The following CELF2 variants were observed in gnomAD, a reference collection of about 807,000 sequenced individuals.
CELF2 encodes CUGBP Elav-like family member 2.
In CELF2, 8 loss-of-function variants were observed where a neutral mutation model predicts 62.6. The observed-to-expected ratio is 0.13, with a 90% CI of 0.07 to 0.23. CELF2 has a LOEUF of 0.23. Ranked by LOEUF, CELF2 falls within the 10% of genes least tolerant of loss-of-function variation. CELF2 has a pLI of 1.00. For synonymous variants in CELF2, 258 were observed against 250.0 expected (o/e 1.03, Z -0.30); for missense variants, 333 against 671.0 (o/e 0.50, Z 5.56).
chr10:11,256,530 C>G (rs2078782679), intron 4 of CELF2, among the ~76,000 whole-genome samples: 2 of 148,868 alleles, frequency 1.3e-5, no homozygotes, highest in South Asian at 4.2e-4. Flanking sequence ...GAGTCCTCCT[C>G]TAGCCCAGGA....
At chr10:10,549,038 A>G in the CELF2 span, among the ~76,000 whole-genome samples, 47 of 152,302 alleles carry the variant, frequency 3.1e-4, no homozygotes, top group Middle Eastern at 6.8e-3. Flanking sequence ...TTTAGATCAC[A>G]ATTCTTTTTC....
intron 1 of CELF2, among the ~76,000 whole-genome samples, chr10:10,852,093 C>A (rs2059416082): frequency 1.3e-5 from 2 of 152,152 alleles, no homozygotes; most frequent in African/African-American, 4.8e-5. Flanking sequence ...CCATTTAACT[C>A]CTTGGTGTCT....
At chr10:10,864,474 A>G (rs528259094) in intron 1 of CELF2, among the ~76,000 whole-genome samples, 2 of 152,244 alleles carry the variant, frequency 1.3e-5, no homozygotes, top group Admixed American at 1.3e-4. Context: ...AACAGCAGAC[A>G]ATTATCTCTC....
At chr10:11,293,592 C>T (rs1035763405) in intron 9 of CELF2, among the ~76,000 whole-genome samples, 3 of 152,210 alleles carry the variant, frequency 2.0e-5, no homozygotes, top group Non-Finnish European at 4.4e-5. Context: ...GCAGACGTCA[C>T]CCCTCTCCTG....
chr10:10,506,670 A>ATTTTTTTTTT, the CELF2 span, among the ~76,000 whole-genome samples: 1,389 of 64,572 alleles, frequency 0.022, 362 homozygotes, highest in Middle Eastern at 0.094. Context: ...CCTCCTGTGA[A>ATTTTTTTTTT]TTTTTTTTTT....
the CELF2 span, among the ~76,000 whole-genome samples, chr10:10,636,061 T>A: frequency 6.6e-6 from 1 of 152,184 alleles, no homozygotes; most frequent in African/African-American, 2.4e-5. Context: ...AAGAAATATA[T>A]CAAATAACTT....
At chr10:10,605,409 A>T in the CELF2 span, among the ~76,000 whole-genome samples, 2 of 152,372 alleles carry the variant, frequency 1.3e-5, no homozygotes, top group South Asian at 4.1e-4. Flanking sequence ...TACATCCTGC[A>T]CGAGTACCCT....
intron 1 of CELF2, among the ~76,000 whole-genome samples, chr10:10,867,657 A>G (rs1162506446): frequency 6.6e-6 from 1 of 152,156 alleles, no homozygotes; most frequent in Non-Finnish European, 1.5e-5. Context: ...ACTCCTGCCT[A>G]CCAGAAACCA....
At chr10:11,249,301 C>T (rs2076460191) in intron 4 of CELF2, 100 bp downstream of exon 4, 1 of 945,342 alleles carries the variant, frequency 1.1e-6, no homozygotes, top group African/African-American at 1.6e-5. Flanking sequence ...GCTTTTCTCT[C>T]TAGAGGACAG....
rs1248596663 is a variant in CELF2, at chr10:11,296,207, G to C, written c.976+7655G>C. ...TTGTTTTGAGTGGGCTTTTTAACAT[G>C]TGCAGACATTGACTCTAATTCTTCA... On this transcript the variant is annotated intron_variant, in intron 9 of 12. Coordinates refer to ENST00000633077, the MANE Select transcript of CELF2 (RefSeq NM_001326342.2). The surrounding 1 kb of genome is among the most constrained non-coding windows in gnomAD (Gnocchi z 5.0). 3.9e-5 allele frequency among the ~76,000 whole-genome samples: 6 copies of C among 152,134 alleles called. No individual in the cohort carries two copies. The highest frequency in any genetic ancestry group is 1.4e-4 in the African/African-American group (6 of 41,414).
chr10:10,771,517 T>C, the CELF2 span, among the ~76,000 whole-genome samples: 1 of 152,234 alleles, frequency 6.6e-6, no homozygotes, highest in Admixed American at 6.5e-5. Flanking sequence ...TCTTGAGCTG[T>C]ACTCCCATAA....
the CELF2 span, among the ~76,000 whole-genome samples, chr10:10,512,401 CTTTTTTTTTT>C: frequency 1.8e-5 from 2 of 109,148 alleles, no homozygotes; most frequent in Non-Finnish European, 3.7e-5. Context: ...TTTTGGAACG[CTTTTTTTTTT>C]TTTTTTTTTT....
Position 11,288,528 on chromosome 10 carries a change from G to A in CELF2, c.952G>A (p.Ala318Thr), listed in dbSNP as rs557804153. The A allele has an allele frequency of 9.3e-6, 15 of 1,613,856 alleles. No individual in the cohort carries two copies. Among genetic ancestry groups the A allele is most frequent in the Middle Eastern group, 1.6e-4 (1 of 6,062 alleles). Residue 318 changes from alanine to threonine, a missense_variant, in exon 9 of 13, where the codon GCC (alanine) becomes ACC (threonine). Around this residue, in one of 3 missense-constraint regions of CELF2, gnomAD observed 253 missense variants for 503.0 expected, o/e 0.50. Coordinates refer to ENST00000633077, the MANE Select transcript of CELF2 (RefSeq NM_001326342.2). ...NANPLSTTSSALGALTSPVAA... is the reference protein window; with the variant it reads ...NANPLSTTSSTLGALTSPVAA... ...AAACCCTCTCTCTACCACGAGCAGC[G>A]CCCTGGGAGCCCTCACGAGTCCCGG... is the stretch of plus-strand genomic sequence containing the variant.
chr10:11,315,290 AG>A lies in CELF2; in HGVS notation c.1096+1033del, dbSNP rs964052640. 9.9e-5 allele frequency among the ~76,000 whole-genome samples: 15 copies of A among 152,278 alleles called. No individual in the cohort carries two copies. The highest frequency in any genetic ancestry group is 6.8e-3 in the Middle Eastern group (2 of 294). Reference sequence around the variant, plus strand: ...ACGGGAGCCCAGTTAGCTACCATGCAGCCCAGGCACCCCGGCACCTGCCCAT... The same window carrying A: ...ACGGGAGCCCAGTTAGCTACCATGCACCCAGGCACCCCGGCACCTGCCCAT... On this transcript the variant is annotated intron_variant, in intron 10 of 12. Coordinates refer to ENST00000633077, the MANE Select transcript of CELF2 (RefSeq NM_001326342.2). The surrounding 1 kb of genome is among the most constrained non-coding windows in gnomAD (Gnocchi z 5.8).
the CELF2 span, among the ~76,000 whole-genome samples, chr10:10,740,034 G>A: frequency 1.3e-5 from 2 of 151,858 alleles, no homozygotes; most frequent in African/African-American, 4.8e-5. Context: ...TTAGATACAT[G>A]GTTTGCAAAT....
chr10:10,525,420 A>C, the CELF2 span, among the ~76,000 whole-genome samples: 1 of 152,114 alleles, frequency 6.6e-6, no homozygotes, highest in Non-Finnish European at 1.5e-5. Context: ...GTGTTGCCCC[A>C]GGCAATTCTT....
At chr10:10,506,998 C>T in the CELF2 span, among the ~76,000 whole-genome samples, 8 of 152,066 alleles carry the variant, frequency 5.3e-5, no homozygotes, top group South Asian at 2.1e-4. Flanking sequence ...CGTTCCACAG[C>T]GGAGATCCAG....
At chr10:10,613,969 G>T in the CELF2 span, among the ~76,000 whole-genome samples, 1 of 152,102 alleles carries the variant, frequency 6.6e-6, no homozygotes, top group African/African-American at 2.4e-5. Flanking sequence ...TGCCCTCAAT[G>T]TCTATAATTT....
At chr10:10,534,796 T>C in the CELF2 span, among the ~76,000 whole-genome samples, 1 of 152,190 alleles carries the variant, frequency 6.6e-6, no homozygotes, top group African/African-American at 2.4e-5. Context: ...TCTAAAAGAA[T>C]TGATGCACTT....
Sources: gnomAD v4.1 joint callset for allele counts (sites outside exome capture counted in the v4.1 genomes callset) on GRCh38, gnomAD v4.1.1 for gene constraint, gnomAD v4.1.1 regional missense constraint, Gnocchi (gnomAD v3.1) non-coding constraint, MANE v1.5 for transcripts, NCBI Gene and HGNC (gene_info 2026-07-23, HGNC 2026-07-21) for gene names.